The following VPS45 variants were observed in gnomAD, a reference collection of about 807,000 sequenced individuals.
VPS45 encodes vacuolar protein sorting-associated protein 45.
VPS45 carries 35 observed loss-of-function variants against 75.9 expected under a neutral mutation model. The observed-to-expected ratio is 0.46, with a 90% CI of 0.35 to 0.61. The LOEUF (loss-of-function observed/expected upper bound fraction) is 0.61, where lower values mean the gene tolerates loss of function less well. Among genes scored for constraint, VPS45 ranks in the 20% least tolerant of loss-of-function variants. The pLI is 0.00. For missense variants in VPS45, 559 were observed against 685.9 expected (o/e 0.81, Z 2.07); for synonymous variants, 220 against 238.2 (o/e 0.92, Z 0.70).
In VPS45 at chr1:150,144,996, C is replaced by T; in HGVS notation, c.*200C>T. On this transcript the variant is annotated 3_prime_UTR_variant, in exon 15 of 15. Transcript: ENST00000644510. ...ACAATAAGTCTGAGCCCATCTCAAC[C>T]CACTTTTCTCCGGTAGTCTTTATGT... The T allele has an allele frequency of 7.3e-7, 1 of 1,371,544 alleles. No individual in the cohort carries two copies. Among genetic ancestry groups the T allele is most frequent in the Non-Finnish European group, 9.9e-7 (1 of 1,014,872 alleles). 85.0% of individuals were successfully genotyped at this position (1,371,544 alleles called of 1,614,324 possible). A position where few individuals can be genotyped will look rare whatever the true frequency, so the allele number is the denominator to read the frequency against.
chr1:150,140,675 G>A (rs1659350115), intron 14 of VPS45, among the ~76,000 whole-genome samples: 1 of 151,938 alleles, frequency 6.6e-6, no homozygotes, highest in Non-Finnish European at 1.5e-5. Context: ...ATCAAATTAT[G>A]TTATTTCTGG....
At chr1:150,142,364 A>G (rs1659433348) in intron 14 of VPS45, among the ~76,000 whole-genome samples, 1 of 152,198 alleles carries the variant, frequency 6.6e-6, no homozygotes, top group African/African-American at 2.4e-5. Flanking sequence ...TCATTTCCTA[A>G]CACTTGTTTT....
intron 2 of VPS45, among the ~76,000 whole-genome samples, chr1:150,069,257 C>G (rs1654894413): frequency 6.6e-6 from 1 of 152,030 alleles, no homozygotes; most frequent in Non-Finnish European, 1.5e-5. Context: ...CTTCCTATGT[C>G]CTAGGTCTGC....
Position 150,145,277 on chromosome 1 carries a change from G to T in VPS45, c.*481G>T. 5.7e-6 allele frequency: 1 copy of T among 176,330 alleles called. No individual in the cohort carries two copies. The highest frequency in any genetic ancestry group is 1.2e-5 in the Non-Finnish European group (1 of 83,484). 10.9% of individuals were successfully genotyped at this position (176,330 alleles called of 1,614,324 possible). On this transcript the variant is annotated 3_prime_UTR_variant, in exon 15 of 15. Coordinates refer to ENST00000644510, the MANE Select transcript of VPS45 (RefSeq NM_007259.5). Reference sequence around the variant, plus strand: ...TTGTCCCTACATAGCAATTTTCTGTGGCACTGAGAAACCATGTATGACCAC... The same window carrying T: ...TTGTCCCTACATAGCAATTTTCTGTTGCACTGAGAAACCATGTATGACCAC...
intron 13 of VPS45, among the ~76,000 whole-genome samples, chr1:150,097,430 C>G (rs1656727384): frequency 6.7e-6 from 1 of 149,580 alleles, no homozygotes; most frequent in Non-Finnish European, 1.5e-5. Flanking sequence ...GGTAAAAAAA[C>G]TGTATAATCC....
At chr1:150,069,499 C>G (rs1246092224) in intron 2 of VPS45, among the ~76,000 whole-genome samples, 3 of 143,652 alleles carry the variant, frequency 2.1e-5, no homozygotes, top group Non-Finnish European at 4.5e-5. Flanking sequence ...CTCTGTCGCC[C>G]AGGCTGGAGT....
At chr1:150,096,215 G>GTTTT (rs1571856256) in intron 13 of VPS45, among the ~76,000 whole-genome samples, 1 of 152,154 alleles carries the variant, frequency 6.6e-6, no homozygotes, top group East Asian at 1.9e-4. Context: ...AAAACCTCTG[G>GTTTT]AAATGTTGAA....
chr1:150,126,657 T>A (rs1658535582), intron 14 of VPS45, among the ~76,000 whole-genome samples: 2 of 152,150 alleles, frequency 1.3e-5, no homozygotes, highest in Admixed American at 1.3e-4. Context: ...CTATGAGTTA[T>A]AGCTCAATAA....
chr1:150,073,960 C>T (rs587594244), intron 3 of VPS45, among the ~76,000 whole-genome samples: 1 of 151,338 alleles, frequency 6.6e-6, no homozygotes, highest in South Asian at 2.1e-4. Flanking sequence ...TTTCACTCAG[C>T]ATAATTCTCT....
At position 150,082,786 on chromosome 1, in the gene VPS45, G is replaced by A; in HGVS notation, c.1007G>A (p.Gly336Glu). Residue 336 changes from glycine (G) to glutamate (E), a missense_variant, in exon 10 of 15, where the codon GGA (glycine) becomes GAA (glutamate). Transcript: ENST00000644510. ...GTVSKHVTVV[G>E]ELSRLVSERN... ...GTTTCAAAGCATGTGACAGTGGTTG[G>A]AGAACTGTCTCGATTGGTCAGTGAA... is the stretch of plus-strand genomic sequence containing the variant. 1 of 1,614,144 alleles carries A rather than the reference G, an allele frequency of 6.2e-7. No individual in the cohort carries two copies. The highest frequency in any genetic ancestry group is 1.1e-5 in the South Asian group (1 of 91,080).
intron 13 of VPS45, among the ~76,000 whole-genome samples, chr1:150,100,935 C>CA (rs1656944245): frequency 6.6e-6 from 1 of 151,968 alleles, no homozygotes; most frequent in Non-Finnish European, 1.5e-5. Flanking sequence ...GATTTCATGA[C>CA]AAAAAAACTA....
intron 14 of VPS45, among the ~76,000 whole-genome samples, chr1:150,133,966 G>A (rs779867417): frequency 4.9e-4 from 75 of 152,118 alleles, no homozygotes; most frequent in Non-Finnish European, 8.7e-4. Context: ...TAGTGCCAAG[G>A]GCTCCTGTTT....
chr1:150,085,747 A>G (rs1655972873), intron 10 of VPS45, among the ~76,000 whole-genome samples: 1 of 150,820 alleles, frequency 6.6e-6, no homozygotes, highest in South Asian at 2.1e-4. Flanking sequence ...AAAAAAAAGC[A>G]TGTATTGCTA....
chr1:150,103,363 A>G (rs1553805010), intron 13 of VPS45, among the ~76,000 whole-genome samples: 1 of 152,212 alleles, frequency 6.6e-6, no homozygotes, highest in Non-Finnish European at 1.5e-5. Flanking sequence ...GGGTATTTAA[A>G]CATTGTTTTT....
intron 7 of VPS45, among the ~76,000 whole-genome samples, chr1:150,080,408 T>A (rs1381266986): frequency 6.6e-6 from 1 of 152,180 alleles, no homozygotes; most frequent in Admixed American, 6.5e-5. Context: ...CCTCCCAAAG[T>A]GCTGGGATTA....
At chr1:150,139,699 G>A (rs587639174) in intron 14 of VPS45, among the ~76,000 whole-genome samples, 13 of 152,186 alleles carry the variant, frequency 8.5e-5, no homozygotes, top group Non-Finnish European at 1.5e-4. Context: ...GACTACAGGT[G>A]TGCACCACAA....
At chr1:150,114,956 C>T (rs1313058544) in intron 14 of VPS45, among the ~76,000 whole-genome samples, 1 of 150,892 alleles carries the variant, frequency 6.6e-6, no homozygotes, top group Non-Finnish European at 1.5e-5. Flanking sequence ...CATTTTGATG[C>T]CTTTGTCTAA....
At chr1:150,077,346 T>G (rs1655452116) in intron 6 of VPS45, 115 bp downstream of exon 6, 3 of 1,349,560 alleles carry the variant, frequency 2.2e-6, no homozygotes, top group Non-Finnish European at 3.0e-6. Context: ...GTATGTTAGG[T>G]TTCCGCGAAA....
At chr1:150,125,959 T>C (rs1553810629) in intron 14 of VPS45, among the ~76,000 whole-genome samples, 1 of 152,040 alleles carries the variant, frequency 6.6e-6, no homozygotes, top group Non-Finnish European at 1.5e-5. Context: ...GTGGTGGGAT[T>C]ATAGATATGA....
Sources: gnomAD v4.1 joint callset for allele counts (sites outside exome capture counted in the v4.1 genomes callset) on GRCh38, gnomAD v4.1.1 for gene constraint, MANE v1.5 for transcripts, NCBI Gene and HGNC (gene_info 2026-07-23, HGNC 2026-07-21) for gene names.